The following TDRD9 variants were observed in gnomAD, a reference collection of about 807,000 sequenced individuals.
TDRD9 encodes tudor domain containing 9, also known as ATP-dependent RNA helicase TDRD9.
TDRD9 carries 124 observed loss-of-function variants against 172.6 expected under a neutral mutation model. That is an observed-to-expected ratio of 0.72 (90% CI 0.62 to 0.83). The LOEUF (loss-of-function observed/expected upper bound fraction) is 0.83, where lower values mean the gene tolerates loss of function less well. TDRD9 is among the 40% of genes least tolerant of loss of function. The probability of loss-of-function intolerance (pLI) is 0.00; values close to 1 mark genes in which losing one functional copy is unlikely to be tolerated. For missense variants in TDRD9, 1,479 were observed against 1,714.1 expected (o/e 0.86, Z 2.42); for synonymous variants, 619 against 617.1 (o/e 1.00, Z -0.05).
At chr14:103,938,747 T>G (rs2030981297) in intron 1 of TDRD9, among the ~76,000 whole-genome samples, 1 of 152,014 alleles carries the variant, frequency 6.6e-6, no homozygotes, top group South Asian at 2.1e-4. Flanking sequence ...CCCCTTTATA[T>G]TTTCAATCCT....
In TDRD9 at chr14:104,040,236, G is replaced by A; in HGVS notation, c.3757G>A (p.Gly1253Ser). The A allele has an allele frequency of 6.4e-7, 1 of 1,551,154 alleles. No individual in the cohort carries two copies. Among genetic ancestry groups the A allele is most frequent in the Non-Finnish European group, 8.7e-7 (1 of 1,146,650 alleles). ...NGKYYTGVLC[G>S]LGWNPATGAS... ...CAAGTACTATACTGGAGTCCTTTGT[G>A]GTTTGGGGTGGAATCCAGCTACAGG... is the stretch of plus-strand genomic sequence containing the variant. The change falls in exon 33 of 36, where the codon GGT becomes AGT. Residue 1253 changes from glycine to serine, a missense_variant. By Grantham distance (56) the Gly-to-Ser change is moderately conservative. This residue lies in a region of TDRD9 where 1,413 missense variants were observed against 1,649.1 expected (regional missense o/e 0.86). Coordinates refer to ENST00000409874, the MANE Select transcript of TDRD9 (RefSeq NM_153046.3).
intron 9 of TDRD9, among the ~76,000 whole-genome samples, chr14:103,991,584 T>G (rs964021346): frequency 6.6e-6 from 1 of 151,548 alleles, no homozygotes; most frequent in African/African-American, 2.4e-5. Flanking sequence ...GGCTTATTTT[T>G]GTATTTTTAG....
rs531236923 is a variant in TDRD9, at chr14:104,048,716, C to T, written c.3975-892C>T. On this transcript the variant is annotated intron_variant, in intron 34 of 35. Coordinates refer to ENST00000409874, the MANE Select transcript of TDRD9 (RefSeq NM_153046.3). Reference sequence around the variant, plus strand: ...CCTGCTCCCCCTCTGTGGCACTCTCCTTTCCAGAGTCTCCCTTTTACCTCC... The same window carrying T: ...CCTGCTCCCCCTCTGTGGCACTCTCTTTTCCAGAGTCTCCCTTTTACCTCC... Among the ~76,000 whole-genome samples the T allele has an allele frequency of 2.0e-5, 3 of 152,312 alleles. No individual in the cohort carries two copies. In the East Asian group the frequency reaches 5.8e-4, roughly 29 times the overall value.
intron 10 of TDRD9, 66 bp downstream of exon 10, chr14:103,994,452 C>T: frequency 1.2e-6 from 2 of 1,602,236 alleles, no homozygotes; most frequent in Non-Finnish European, 1.7e-6. Flanking sequence ...TAAATTATCT[C>T]AGTATTTATT....
chr14:103,986,638 A>G (rs927449845), intron 8 of TDRD9, among the ~76,000 whole-genome samples: 1 of 152,222 alleles, frequency 6.6e-6, no homozygotes, highest in Non-Finnish European at 1.5e-5. Context: ...TTTAAATCCT[A>G]CATTAGTAGA....
chr14:104,039,265 A>AG (rs1187437588), intron 32 of TDRD9, among the ~76,000 whole-genome samples: 1 of 152,226 alleles, frequency 6.6e-6, no homozygotes, highest in African/African-American at 2.4e-5. Context: ...TGCCTTCCAG[A>AG]GGGTCCCTCC....
chr14:103,965,379 C>A lies in TDRD9; in HGVS notation c.467C>A (p.Ala156Asp), dbSNP rs1454055118. ...AATTCCGTGGTGATTATCCATGGGGCCACGGGAAGCGGTAAAAGCACTCAG... is the reference window on the plus strand; with the variant it reads ...AATTCCGTGGTGATTATCCATGGGGACACGGGAAGCGGTAAAAGCACTCAG... Reference protein sequence around the residue: ...ESNSVVIIHGATGSGKSTQLP... With the variant: ...ESNSVVIIHGDTGSGKSTQLP... The change falls in exon 4 of 36, where the codon GCC becomes GAC. Residue 156 changes from alanine (A) to aspartate (D), a missense_variant. Ala to Asp is a moderately radical substitution (Grantham distance 126). Around this residue, in one of 3 missense-constraint regions of TDRD9, gnomAD observed 1,413 missense variants for 1,649.1 expected, o/e 0.86. Coordinates refer to ENST00000409874, the MANE Select transcript of TDRD9 (RefSeq NM_153046.3). 6.4e-7 allele frequency: 1 copy of A among 1,551,660 alleles called. No homozygotes were observed. The highest frequency in any genetic ancestry group is 2.4e-5 in the East Asian group (1 of 40,918).
Position 103,928,525 on chromosome 14 carries a change from A to G in TDRD9, c.16A>G (p.Thr6Ala). ...GGCCTTGAGGATGCTGCGGAAGCTCACCATCGAGCAGATCAACGACTGGTT... is the reference window on the plus strand; with the variant it reads ...GGCCTTGAGGATGCTGCGGAAGCTCGCCATCGAGCAGATCAACGACTGGTT... MLRKL[T>A]IEQINDWFTI... Residue 6 changes from threonine (T) to alanine (A), a missense_variant, in exon 1 of 36, where the codon ACC becomes GCC. This residue lies in a region of TDRD9 where 63 missense variants were observed against 48.4 expected (regional missense o/e 1.30). Coordinates refer to ENST00000409874, the MANE Select transcript of TDRD9 (RefSeq NM_153046.3). 1 of 1,413,192 alleles carries G rather than the reference A, an allele frequency of 7.1e-7. No homozygotes were observed. The highest frequency in any genetic ancestry group is 3.2e-5 in the East Asian group (1 of 30,846). The allele number at this position is 1,413,192 out of a possible 1,614,324, so 87.5% of individuals were successfully genotyped here. A position where few individuals can be genotyped will look rare whatever the true frequency, so the allele number is the denominator to read the frequency against.
chr14:103,956,431 C>T (rs138269732), intron 2 of TDRD9, among the ~76,000 whole-genome samples: 3,503 of 151,074 alleles, frequency 0.023, 77 homozygotes, highest in East Asian at 0.071. Context: ...AGTGAGACTC[C>T]GTCTCAAAAA....
chr14:103,938,884 G>A (rs538218523), intron 1 of TDRD9, among the ~76,000 whole-genome samples: 67 of 152,238 alleles, frequency 4.4e-4, no homozygotes, highest in Middle Eastern at 6.8e-3. Flanking sequence ...AATAACTACA[G>A]TTTTAAATGA....
intron 20 of TDRD9, among the ~76,000 whole-genome samples, chr14:104,009,711 A>C (rs954878799): frequency 1.3e-5 from 2 of 152,160 alleles, no homozygotes; most frequent in Non-Finnish European, 2.9e-5. Flanking sequence ...TTGTACAGCT[A>C]TGCAAAAATA....
At chr14:104,001,029 A>G (rs2034243277) in intron 13 of TDRD9, among the ~76,000 whole-genome samples, 1 of 152,216 alleles carries the variant, frequency 6.6e-6, no homozygotes, top group South Asian at 2.1e-4. Context: ...TTATAAGTAC[A>G]GTCAACCAGG....
At position 103,966,021 on chromosome 14, in the gene TDRD9, G is replaced by GCAGTGAAACAGAATTT. The variant is rs1246923955; in HGVS notation, c.642+469_642+484dup. On this transcript the variant is annotated intron_variant, in intron 4 of 35. Coordinates refer to ENST00000409874, the MANE Select transcript of TDRD9 (RefSeq NM_153046.3). ...GAGAACTGTGGCATAATTTTAAAAA[G>GCAGTGAAACAGAATTT]CAGTGAAACAGAATTTCTTGAAAAT... Among the ~76,000 whole-genome samples, 5 of 151,954 alleles carry GCAGTGAAACAGAATTT rather than the reference G, an allele frequency of 3.3e-5. No homozygotes were observed. The East Asian group carries it at 5.9e-4, about 18-fold the overall frequency.
chr14:103,992,394 G>A (rs1379771418), intron 9 of TDRD9, among the ~76,000 whole-genome samples: 1 of 152,192 alleles, frequency 6.6e-6, no homozygotes, highest in Non-Finnish European at 1.5e-5. Context: ...GTCATGTTTT[G>A]CTTAGCTGAT....
At chr14:103,952,031 G>A (rs1327145600) in intron 1 of TDRD9, among the ~76,000 whole-genome samples, 2 of 150,408 alleles carry the variant, frequency 1.3e-5, no homozygotes, top group Non-Finnish European at 3.0e-5. Context: ...GCCTCCCAAA[G>A]TGCTGGGATT....
chr14:104,024,037 T>G (rs1212021259), intron 24 of TDRD9, among the ~76,000 whole-genome samples: 1 of 152,224 alleles, frequency 6.6e-6, no homozygotes. Flanking sequence ...CTGTCAAATT[T>G]GTCTTTTGTA....
At chr14:104,002,244 T>G (rs1054311550) in intron 13 of TDRD9, among the ~76,000 whole-genome samples, 1 of 145,340 alleles carries the variant, frequency 6.9e-6, no homozygotes, top group Non-Finnish European at 1.5e-5. Flanking sequence ...AGATTGAGCC[T>G]GGGAGGTCAA....
intron 1 of TDRD9, among the ~76,000 whole-genome samples, chr14:103,936,304 C>A (rs542193058): frequency 1.3e-5 from 2 of 152,264 alleles, no homozygotes; most frequent in South Asian, 4.1e-4. Flanking sequence ...GTTACCCAGG[C>A]TGGTCTCAAA....
At chr14:103,936,277 A>C (rs907659294) in intron 1 of TDRD9, among the ~76,000 whole-genome samples, 8 of 152,050 alleles carry the variant, frequency 5.3e-5, no homozygotes, top group Admixed American at 2.0e-4. Flanking sequence ...GTTTTTGGAG[A>C]CATGGGATTT....
Sources: allele counts gnomAD v4.1 joint callset (sites outside exome capture counted in the v4.1 genomes callset), GRCh38; gene constraint gnomAD v4.1.1; regional missense constraint gnomAD v4.1.1; transcripts MANE v1.5; gene names NCBI Gene and HGNC (gene_info 2026-07-23, HGNC 2026-07-21).